The following ZFHX3 variants were observed in gnomAD, a reference collection of about 807,000 sequenced individuals.
The protein encoded by ZFHX3 is zinc finger homeobox 3.
A neutral mutation model predicts 279.1 loss-of-function variants in ZFHX3; 42 were observed. That is an observed-to-expected ratio of 0.15 (90% CI 0.12 to 0.19). ZFHX3 has a LOEUF of 0.19. Among genes scored for constraint, ZFHX3 ranks in the 10% least tolerant of loss-of-function variants. ZFHX3 has a pLI of 1.00. For missense variants in ZFHX3, 4,981 were observed against 4,754.0 expected (o/e 1.05, Z -1.40); for synonymous variants, 2,293 against 1,957.8 (o/e 1.17, Z -4.52).
At chr16:73,115,321 G>A (rs1449686537) in intron 7 of ZFHX3, among the ~76,000 whole-genome samples, 3 of 138,914 alleles carry the variant, frequency 2.2e-5, no homozygotes, top group Non-Finnish European at 3.0e-5. Context: ...CAGGAGGCTC[G>A]CTTGAGTCTA....
At chr16:73,813,303 C>A (rs1960475340) in intron 1 of ZFHX3, among the ~76,000 whole-genome samples, 1 of 151,526 alleles carries the variant, frequency 6.6e-6, no homozygotes, top group South Asian at 2.1e-4. Context: ...AATAAGCGAG[C>A]CAGGATTCTC....
intron 2 of ZFHX3, among the ~76,000 whole-genome samples, chr16:73,588,985 G>T (rs906281218): frequency 6.6e-6 from 1 of 151,542 alleles, no homozygotes; most frequent in Non-Finnish European, 1.5e-5. Flanking sequence ...CCTTGGCCAG[G>T]CATGGTGGCT....
chr16:73,203,055 T>C (rs1023147496), intron 5 of ZFHX3, among the ~76,000 whole-genome samples: 9 of 151,994 alleles, frequency 5.9e-5, no homozygotes, highest in African/African-American at 2.2e-4. Context: ...CCTTCCCTGA[T>C]CTCTCCTTTT....
intron 2 of ZFHX3, among the ~76,000 whole-genome samples, chr16:73,662,006 A>ATTT (rs371669198): frequency 0.1 from 14,272 of 141,746 alleles, 871 homozygotes; most frequent in Middle Eastern, 0.14. Context: ...CAACGGACCA[A>ATTT]TTTTTTTTTT....
chr16:73,380,088 G>T (rs1555512921), intron 3 of ZFHX3, among the ~76,000 whole-genome samples: 1 of 152,092 alleles, frequency 6.6e-6, no homozygotes, highest in Non-Finnish European at 1.5e-5. Flanking sequence ...TAGCAATGTG[G>T]ACATCAGAAA....
At chr16:73,424,555 G>A (rs2017775839) in intron 3 of ZFHX3, among the ~76,000 whole-genome samples, 1 of 151,958 alleles carries the variant, frequency 6.6e-6, no homozygotes, top group Non-Finnish European at 1.5e-5. Flanking sequence ...GACTGGCCTG[G>A]GCAACGTAGC....
intron 5 of ZFHX3, among the ~76,000 whole-genome samples, chr16:73,161,392 C>T (rs537947068): frequency 5.9e-5 from 9 of 152,310 alleles, no homozygotes; most frequent in African/African-American, 1.4e-4. Flanking sequence ...GAGTCTCAGT[C>T]GCTCAACGGT....
intron 4 of ZFHX3, among the ~76,000 whole-genome samples, chr16:72,881,191 C>T (rs937576242): frequency 2.0e-5 from 3 of 152,122 alleles, no homozygotes; most frequent in Non-Finnish European, 4.4e-5. Context: ...AACCATGAGC[C>T]CCATGGCACT....
At chr16:73,609,697 G>T (rs915599504) in intron 2 of ZFHX3, 7 of 152,076 alleles carry the variant, frequency 4.6e-5, no homozygotes, top group African/African-American at 1.7e-4. Flanking sequence ...GGGAAAGAGG[G>T]AGGGGTAATT....
At chr16:73,713,212 C>T (rs914400740) in intron 1 of ZFHX3, among the ~76,000 whole-genome samples, 1 of 152,226 alleles carries the variant, frequency 6.6e-6, no homozygotes, top group African/African-American at 2.4e-5. Flanking sequence ...TTTTAACTCA[C>T]TACCAGCCAA....
At position 72,957,364 on chromosome 16, in the gene ZFHX3, A is replaced by T; in HGVS notation, c.2719+63T>A. Reference sequence around the variant, plus strand: ...TGAATCCACAGGACTATCTCACCCTATTCACCATTCTCCCTGGTTAAACTC... The same window carrying T: ...TGAATCCACAGGACTATCTCACCCTTTTCACCATTCTCCCTGGTTAAACTC... On this transcript the variant is annotated intron_variant, in intron 2 of 9. Transcript: ENST00000268489. The T allele has an allele frequency of 2.0e-6, 3 of 1,528,528 alleles. No homozygotes were observed. In the South Asian group the frequency reaches 3.9e-5, roughly 20 times the overall value. 94.7% of individuals were successfully genotyped at this position (1,528,528 alleles called of 1,614,324 possible). A position where few individuals can be genotyped will look rare whatever the true frequency, so the allele number is the denominator to read the frequency against.
chr16:72,879,938 G>A (rs2038418793), intron 4 of ZFHX3, among the ~76,000 whole-genome samples: 1 of 152,216 alleles, frequency 6.6e-6, no homozygotes, highest in Non-Finnish European at 1.5e-5. Context: ...CAAGGAAAGA[G>A]TCATGGTAAA....
At chr16:73,792,926 T>G (rs1375545905) in intron 1 of ZFHX3, among the ~76,000 whole-genome samples, 1 of 148,820 alleles carries the variant, frequency 6.7e-6, no homozygotes, top group African/African-American at 2.5e-5. Context: ...GGTTTGGGGT[T>G]GACGTTTGTT....
At chr16:73,412,583 G>T (rs1486291357) in intron 3 of ZFHX3, among the ~76,000 whole-genome samples, 1 of 152,112 alleles carries the variant, frequency 6.6e-6, no homozygotes, top group Non-Finnish European at 1.5e-5. Context: ...TTTGCCTCAG[G>T]GCAAGGTCTG....
At chr16:73,650,784 C>T (rs2052663060) in intron 2 of ZFHX3, among the ~76,000 whole-genome samples, 1 of 152,118 alleles carries the variant, frequency 6.6e-6, no homozygotes, top group Non-Finnish European at 1.5e-5. Flanking sequence ...AGATTTAACT[C>T]CTGTATGGAG....
chr16:73,539,950 C>T (rs1039679154), intron 2 of ZFHX3, among the ~76,000 whole-genome samples: 1 of 152,214 alleles, frequency 6.6e-6, no homozygotes. Context: ...ATATGAATAT[C>T]GGTAGGAATT....
At chr16:73,389,737 G>T (rs369657335) in intron 3 of ZFHX3, among the ~76,000 whole-genome samples, 1 of 152,206 alleles carries the variant, frequency 6.6e-6, no homozygotes, top group African/African-American at 2.4e-5. Flanking sequence ...CTGCCCTTTG[G>T]GGCCAGTCAG....
At chr16:73,554,276 C>T (rs2020242931) in intron 2 of ZFHX3, 1 of 151,952 alleles carries the variant, frequency 6.6e-6, no homozygotes, top group African/African-American at 2.4e-5. Context: ...GTACAGAGAA[C>T]ATCTGATGAA....
intron 7 of ZFHX3, among the ~76,000 whole-genome samples, chr16:73,120,650 C>CTTTTTTTTT (rs1174733016): frequency 9.0e-6 from 1 of 110,726 alleles, no homozygotes. Flanking sequence ...TCCTCTCTAC[C>CTTTTTTTTT]TTTTTTTTTT....
Sources: allele counts gnomAD v4.1 joint callset (sites outside exome capture counted in the v4.1 genomes callset), GRCh38; gene constraint gnomAD v4.1.1; transcripts MANE v1.5; gene names NCBI Gene and HGNC (gene_info 2026-07-23, HGNC 2026-07-21).